The following DAB1 variants were observed in gnomAD, a reference collection of about 807,000 sequenced individuals.
DAB1 encodes the protein DAB adaptor protein 1.
In DAB1, 15 loss-of-function variants were observed where a neutral mutation model predicts 64.6. That is an observed-to-expected ratio of 0.23 (90% CI 0.16 to 0.36). DAB1 has a LOEUF of 0.36. Among genes scored for constraint, DAB1 ranks in the 10% least tolerant of loss-of-function variants. The probability of loss-of-function intolerance (pLI) is 1.00; values close to 1 mark genes in which losing one functional copy is unlikely to be tolerated. For synonymous variants in DAB1, 235 were observed against 251.9 expected, an observed-to-expected ratio of 0.93 and a Z score of 0.64; for missense variants, 596 against 706.7, an observed-to-expected ratio of 0.84 and a Z score of 1.78.
intron 6 of DAB1, among the ~76,000 whole-genome samples, chr1:57,773,886 G>T (rs988853201): frequency 6.6e-6 from 1 of 151,964 alleles, no homozygotes; most frequent in Non-Finnish European, 1.5e-5. Flanking sequence ...TCTATTATGC[G>T]TTGTTACTGT....
intron 3 of DAB1, among the ~76,000 whole-genome samples, chr1:58,418,096 T>A (rs909539978): frequency 6.6e-6 from 1 of 152,154 alleles, no homozygotes; most frequent in Non-Finnish European, 1.5e-5. Flanking sequence ...CAAGGCACTG[T>A]GCAATTCCGC....
chr1:57,362,080 C>T (rs1679596496), intron 1 of DAB1, among the ~76,000 whole-genome samples: 1 of 152,068 alleles, frequency 6.6e-6, no homozygotes. Flanking sequence ...AAGGACATGT[C>T]GAAGAATGAA....
chr1:58,204,175 C>T (rs924935110), intron 4 of DAB1, among the ~76,000 whole-genome samples: 2 of 152,036 alleles, frequency 1.3e-5, no homozygotes, highest in African/African-American at 4.8e-5. Flanking sequence ...AACCTGAAAC[C>T]GAGTCATGAG....
rs1466022154 is a variant in DAB1 at position 57,018,170 on chromosome 1, T to A, written c.896-2739A>T. On this transcript the variant is annotated intron_variant, in intron 11 of 14. Coordinates refer to ENST00000371236, the MANE Select transcript of DAB1 (RefSeq NM_001365792.1). The stretch of plus-strand genomic sequence containing the variant: ...TTTAATTTTCCAGGAATTCAACAAC[T>A]GTGCACAGGAGAGAAGACTGTATTT... Among the ~76,000 whole-genome samples the A allele has an allele frequency of 2.6e-5, 4 of 152,358 alleles. No homozygotes were observed. The Middle Eastern group carries it at 0.01, about 389-fold the overall frequency.
chr1:58,459,126 G>A (rs1645219367), intron 3 of DAB1, among the ~76,000 whole-genome samples: 2 of 152,148 alleles, frequency 1.3e-5, no homozygotes, highest in Non-Finnish European at 2.9e-5. Context: ...TCATTTCTTT[G>A]GAAAAGTTAA....
chr1:58,508,482 C>A (rs1202309771), intron 2 of DAB1, among the ~76,000 whole-genome samples: 1 of 152,144 alleles, frequency 6.6e-6, no homozygotes, highest in Non-Finnish European at 1.5e-5. Context: ...TGAACAACAT[C>A]AAACCTGGTA....
At chr1:57,123,764 G>A (rs1656876490) in intron 4 of DAB1, among the ~76,000 whole-genome samples, 1 of 152,044 alleles carries the variant, frequency 6.6e-6, no homozygotes, top group Non-Finnish European at 1.5e-5. Context: ...ATAATTAGTG[G>A]AAAAATGTGG....
chr1:57,350,860 C>A (rs1245401155), intron 1 of DAB1, among the ~76,000 whole-genome samples: 1 of 152,148 alleles, frequency 6.6e-6, no homozygotes, highest in Non-Finnish European at 1.5e-5. Context: ...TAAGATGAGT[C>A]TATATATCTG....
At chr1:58,155,240 T>C (rs1475117393) in intron 4 of DAB1, among the ~76,000 whole-genome samples, 1 of 152,198 alleles carries the variant, frequency 6.6e-6, no homozygotes, top group Non-Finnish European at 1.5e-5. Flanking sequence ...AAGAAGTATG[T>C]CTATACCTAG....
At chr1:58,160,753 C>T (rs1432870477) in intron 4 of DAB1, among the ~76,000 whole-genome samples, 1 of 151,980 alleles carries the variant, frequency 6.6e-6, no homozygotes, top group Admixed American at 6.5e-5. Context: ...ATTTTGGGTA[C>T]AGTTACCAGA....
rs981950987 is a variant in DAB1, at chr1:57,734,111, T to TA, written n.552-84447dup. Among the ~76,000 whole-genome samples the TA allele has an allele frequency of 5.0e-3, 739 of 147,214 alleles. 3 individuals are homozygous for TA. The highest frequency in any genetic ancestry group is 0.016 in the Admixed American group (231 of 14,794). ...TAAATGTGGACTCAGGAGGCGTGGA[T>TA]AAAAAAAAAAATCCAGTCTTTTATC... is the stretch of plus-strand genomic sequence containing the variant. On this transcript the variant is annotated intron_variant and non_coding_transcript_variant, in intron 6 of 20. Coordinates refer to the DAB1 transcript ENST00000485760.
At chr1:57,887,555 T>G (rs996479248), upstream of DAB1, among the ~76,000 whole-genome samples, 10 of 152,214 alleles carry the variant, frequency 6.6e-5, no homozygotes, top group Non-Finnish European at 1.3e-4. Context: ...AGGAAGTAGT[T>G]GCATTCCTAT....
At chr1:58,330,192 GA>G (rs897211079) in intron 4 of DAB1, among the ~76,000 whole-genome samples, 4 of 152,194 alleles carry the variant, frequency 2.6e-5, no homozygotes, top group Admixed American at 2.6e-4. Flanking sequence ...CTGATATAGA[GA>G]AAGTTTTAGT....
chr1:57,075,464 G>A (rs957112822), intron 4 of DAB1, among the ~76,000 whole-genome samples: 1 of 152,074 alleles, frequency 6.6e-6, no homozygotes, highest in African/African-American at 2.4e-5. Context: ...TCATTCATTC[G>A]GAAATAAGAG....
chr1:57,849,521 G>C (rs1367734717), intron 1 of DAB1, among the ~76,000 whole-genome samples: 1 of 152,192 alleles, frequency 6.6e-6, no homozygotes, highest in Admixed American at 6.5e-5. Context: ...GCAGTTGAAG[G>C]CGTGATTCAC....
At chr1:57,032,903 A>T (rs1647009508) in intron 9 of DAB1, among the ~76,000 whole-genome samples, 2 of 152,166 alleles carry the variant, frequency 1.3e-5, no homozygotes, top group African/African-American at 4.8e-5. Context: ...TTTTATTCCC[A>T]GTGGTGTACT....
At chr1:57,071,243 C>T (rs149869213) in intron 6 of DAB1, 182 bp from the exon 7 acceptor site, 6 of 666,900 alleles carry the variant, frequency 9.0e-6, no homozygotes, top group South Asian at 3.9e-5. Flanking sequence ...CACCTCCACC[C>T]GCACTGTTAA....
intron 4 of DAB1, among the ~76,000 whole-genome samples, chr1:58,239,407 T>A (rs559356192): frequency 2.6e-4 from 39 of 152,328 alleles, no homozygotes; most frequent in Admixed American, 2.3e-3. Flanking sequence ...CATGTTTAAA[T>A]TTCATCCCTT....
intron 7 of DAB1, among the ~76,000 whole-genome samples, chr1:57,447,760 T>A (rs1444362745): frequency 6.6e-6 from 1 of 152,084 alleles, no homozygotes; most frequent in Non-Finnish European, 1.5e-5. Flanking sequence ...CAGCAGCATC[T>A]CTTATCAAGA....
Sources: gnomAD v4.1 joint callset for allele counts (sites outside exome capture counted in the v4.1 genomes callset) on GRCh38, gnomAD v4.1.1 for gene constraint, MANE v1.5 for transcripts, NCBI Gene and HGNC (gene_info 2026-07-23, HGNC 2026-07-21) for gene names.